ST3GAL3: variants seen among roughly 807,000 people sequenced by gnomAD.
The protein encoded by ST3GAL3 is ST3 beta-galactoside alpha-2,3-sialyltransferase 3, also known as CMP-N-acetylneuraminate-beta-1,4-galactoside alpha-2,3-sialyltransferase.
In ST3GAL3, 21 loss-of-function variants were observed where a neutral mutation model predicts 50.1. That is an observed-to-expected ratio of 0.42 (90% CI 0.30 to 0.60). The LOEUF (loss-of-function observed/expected upper bound fraction) is 0.60. Ranked by LOEUF, ST3GAL3 falls within the 20% of genes least tolerant of loss-of-function variation. The pLI is 0.19. For synonymous variants in ST3GAL3, 183 were observed against 190.0 expected (o/e 0.96, Z 0.30); for missense variants, 353 against 489.4 (o/e 0.72, Z 2.63).
At chr1:43,833,652 TC>T (rs1459663606) in intron 4 of ST3GAL3, among the ~76,000 whole-genome samples, 1 of 152,024 alleles carries the variant, frequency 6.6e-6, no homozygotes, top group Non-Finnish European at 1.5e-5. Flanking sequence ...AGGATAAAAA[TC>T]CAAGCAGAGT....
chr1:43,776,107 G>A (rs1352868278), intron 2 of ST3GAL3, among the ~76,000 whole-genome samples: 1 of 152,160 alleles, frequency 6.6e-6, no homozygotes, highest in Non-Finnish European at 1.5e-5. Context: ...TATATCCACA[G>A]AGCCGTGCTA....
chr1:43,886,963 A>AT (rs2076080587), intron 5 of ST3GAL3, among the ~76,000 whole-genome samples: 1 of 152,248 alleles, frequency 6.6e-6, no homozygotes, highest in Non-Finnish European at 1.5e-5. Context: ...CTTTGGTGTC[A>AT]TAGGGATGGG....
intron 2 of ST3GAL3, among the ~76,000 whole-genome samples, chr1:43,765,377 C>T (rs1007369084): frequency 6.6e-6 from 1 of 152,182 alleles, no homozygotes; most frequent in Non-Finnish European, 1.5e-5. Flanking sequence ...TGCTTCCCTG[C>T]AGCGCACGTT....
intron 6 of ST3GAL3, among the ~76,000 whole-genome samples, chr1:43,894,774 C>A (rs1265276701): frequency 6.6e-6 from 1 of 152,006 alleles, no homozygotes; most frequent in Non-Finnish European, 1.5e-5. Flanking sequence ...GGACCATAGG[C>A]ACGCACCACC....
At chr1:43,894,149 A>G in intron 5 of ST3GAL3, 1 of 551,162 alleles carries the variant, frequency 1.8e-6, no homozygotes, top group East Asian at 3.3e-5. Context: ...CTCCACTCCT[A>G]CAGCTAGCCA....
intron 5 of ST3GAL3, 74 bp downstream of exon 5, chr1:43,838,385 A>C: frequency 3.8e-6 from 5 of 1,329,714 alleles, no homozygotes; most frequent in Non-Finnish European, 5.4e-6. Context: ...TCTGCCTCTC[A>C]CAGCCAGTCA....
chr1:43,766,995 A>C (rs574787288), intron 2 of ST3GAL3, among the ~76,000 whole-genome samples: 1 of 152,302 alleles, frequency 6.6e-6, no homozygotes, highest in Admixed American at 6.5e-5. Context: ...TGTGGAATGC[A>C]GAGTTTGGAT....
At chr1:43,707,832 G>A (rs1191844087) in intron 1 of ST3GAL3, 139 bp downstream of exon 1, 2 of 152,202 alleles carry the variant, frequency 1.3e-5, no homozygotes, top group Non-Finnish European at 2.9e-5. Flanking sequence ...GCCCGGGAAG[G>A]CGGGGTCGGG....
intron 4 of ST3GAL3, among the ~76,000 whole-genome samples, chr1:43,833,527 CA>C (rs2063824531): frequency 6.6e-6 from 1 of 151,860 alleles, no homozygotes; most frequent in African/African-American, 2.4e-5. Context: ...TAACTCTTAA[CA>C]AAAAAATTTT....
chr1:43,870,718 G>A (rs1476132536), intron 5 of ST3GAL3, among the ~76,000 whole-genome samples: 2 of 152,160 alleles, frequency 1.3e-5, no homozygotes, highest in African/African-American at 4.8e-5. Flanking sequence ...ACTGTTCCCG[G>A]GAGAGCCTGT....
rs776355900 is a variant in ST3GAL3, at chr1:43,765,782, TGTGC to T, written c.119-26318_119-26315del. Among the ~76,000 whole-genome samples the T allele has an allele frequency of 6.6e-3, 923 of 139,678 alleles. 4 individuals carry two copies. Among genetic ancestry groups the T allele is most frequent in the Middle Eastern group, 0.018 (5 of 276 alleles). The allele number at this position is 139,678 out of a possible 152,430, so 91.6% of individuals were successfully genotyped here. On this transcript the variant is annotated intron_variant, in intron 2 of 11. Coordinates refer to ENST00000347631, the MANE Select transcript of ST3GAL3 (RefSeq NM_006279.5). ...GTGTGTGTGTGTGTGTGTGTGTGTG[TGTGC>T]GCGCGCGCGCGCGCGTCCGCGCGTC...
At chr1:43,715,181 A>G (rs1021802755) in intron 1 of ST3GAL3, among the ~76,000 whole-genome samples, 1 of 152,198 alleles carries the variant, frequency 6.6e-6, no homozygotes. Context: ...CTTAAAGTTT[A>G]AAAATTATTG....
At chr1:43,920,098 C>T (rs2082764362) in intron 9 of ST3GAL3, 1 of 428,226 alleles carries the variant, frequency 2.3e-6, no homozygotes, top group South Asian at 2.2e-5. Flanking sequence ...GCCCAGGAGC[C>T]CCCTCAGGCC....
chr1:43,919,315 G>A (rs938094768), intron 9 of ST3GAL3: 2 of 152,116 alleles, frequency 1.3e-5, no homozygotes, highest in South Asian at 4.2e-4. Context: ...CTAACCTCAG[G>A]TGATCCACCC....
chr1:43,926,721 G>A (rs2084027489), intron 11 of ST3GAL3, among the ~76,000 whole-genome samples: 1 of 152,156 alleles, frequency 6.6e-6, no homozygotes, highest in Non-Finnish European at 1.5e-5. Context: ...TCCTCCACCA[G>A]CCGCGGCCAG....
chr1:43,880,710 T>C (rs890196227), intron 5 of ST3GAL3, among the ~76,000 whole-genome samples: 1 of 152,180 alleles, frequency 6.6e-6, no homozygotes, highest in African/African-American at 2.4e-5. Context: ...CCCCTGCAGT[T>C]GGTTCTGTCC....
rs117531543 is a variant in ST3GAL3, at chr1:43,853,334, C to T, written c.302+15023C>T. 3.1e-4 allele frequency among the ~76,000 whole-genome samples: 47 copies of T among 152,324 alleles called. No homozygotes were observed. The East Asian group carries it at 8.9e-3, about 29-fold the overall frequency. Reference sequence around the variant, plus strand: ...CTGATGTTTACTTTGGATCAGGTCCCATGCTGAGATTTTTTCATATTTTTT... The same window carrying T: ...CTGATGTTTACTTTGGATCAGGTCCTATGCTGAGATTTTTTCATATTTTTT... On this transcript the variant is annotated intron_variant, in intron 5 of 11. Transcript: ENST00000347631.
intron 2 of ST3GAL3, among the ~76,000 whole-genome samples, chr1:43,786,767 A>G (rs1191373189): frequency 2.0e-5 from 3 of 152,206 alleles, no homozygotes; most frequent in Non-Finnish European, 4.4e-5. Context: ...CTCAGTAAAC[A>G]TCTGTTAAAC....
chr1:43,813,157 C>A (rs776640340), intron 3 of ST3GAL3, among the ~76,000 whole-genome samples: 1 of 152,126 alleles, frequency 6.6e-6, no homozygotes, highest in Non-Finnish European at 1.5e-5. Context: ...CATTCTCTGG[C>A]CTCTCTGGAA....
Sources: allele counts gnomAD v4.1 joint callset (sites outside exome capture counted in the v4.1 genomes callset), GRCh38; gene constraint gnomAD v4.1.1; transcripts MANE v1.5; gene names NCBI Gene and HGNC (gene_info 2026-07-23, HGNC 2026-07-21).